Variants in TAFA1 observed in about 807,000 individuals in gnomAD.
The protein encoded by TAFA1 is TAFA chemokine like family member 1, also known as chemokine-like protein TAFA-1.
In TAFA1, 4 loss-of-function variants were observed where a neutral mutation model predicts 18.5. That is an observed-to-expected ratio of 0.22 (90% CI 0.11 to 0.49). The LOEUF (loss-of-function observed/expected upper bound fraction) is 0.49, where lower values mean the gene tolerates loss of function less well. TAFA1 is among the 20% of genes least tolerant of loss of function. The pLI, the probability that TAFA1 is intolerant of heterozygous loss-of-function variation, is 0.98. For missense variants in TAFA1, 147 were observed against 169.0 expected, an observed-to-expected ratio of 0.87 and a Z score of 0.72; for synonymous variants, 56 against 55.2, an observed-to-expected ratio of 1.01 and a Z score of -0.06.
intron 3 of TAFA1, among the ~76,000 whole-genome samples, chr3:68,438,647 C>A (rs888117410): frequency 1.6e-4 from 25 of 152,166 alleles, no homozygotes; most frequent in African/African-American, 5.8e-4. Flanking sequence ...AGAGGAAGTT[C>A]TCTGTGGTGG....
intron 4 of TAFA1, among the ~76,000 whole-genome samples, chr3:68,540,532 A>G (rs376367749): frequency 1.3e-5 from 2 of 152,178 alleles, no homozygotes; most frequent in Non-Finnish European, 2.9e-5. Context: ...GTTTTAAGCT[A>G]TTCTGAATTA....
At chr3:68,459,648 A>C (rs2071736984) in intron 3 of TAFA1, among the ~76,000 whole-genome samples, 1 of 152,236 alleles carries the variant, frequency 6.6e-6, no homozygotes, top group South Asian at 2.1e-4. Context: ...TGCAGTTGAT[A>C]GAAAGTATTA....
At chr3:68,227,328 A>T (rs1373283376) in intron 2 of TAFA1, among the ~76,000 whole-genome samples, 9 of 152,212 alleles carry the variant, frequency 5.9e-5, no homozygotes, top group Non-Finnish European at 1.2e-4. Flanking sequence ...TACATCCATT[A>T]ATTTCCTTTC....
At chr3:68,284,802 C>G (rs2067966128) in intron 2 of TAFA1, among the ~76,000 whole-genome samples, 1 of 152,116 alleles carries the variant, frequency 6.6e-6, no homozygotes, top group South Asian at 2.1e-4. Flanking sequence ...GCATATGTCT[C>G]TAGTATGCTA....
intron 2 of TAFA1, among the ~76,000 whole-genome samples, chr3:68,059,965 G>T (rs1301532636): frequency 6.6e-6 from 1 of 152,004 alleles, no homozygotes; most frequent in Non-Finnish European, 1.5e-5. Flanking sequence ...TCCTCTGGGG[G>T]CTAGAGGAGC....
intron 2 of TAFA1, among the ~76,000 whole-genome samples, chr3:68,112,849 ATT>A (rs2065277257): frequency 6.6e-6 from 1 of 152,190 alleles, no homozygotes; most frequent in Admixed American, 6.5e-5. Flanking sequence ...TAAGAATGCA[ATT>A]ATAAAAGATA....
intron 2 of TAFA1, among the ~76,000 whole-genome samples, chr3:68,261,126 A>G (rs1176623351): frequency 1.3e-5 from 2 of 152,232 alleles, no homozygotes; most frequent in Non-Finnish European, 2.9e-5. Context: ...ACACTTCTCA[A>G]AAGAAGACAT....
chr3:68,050,765 C>T (rs527511467), intron 2 of TAFA1, among the ~76,000 whole-genome samples: 15 of 152,250 alleles, frequency 9.9e-5, no homozygotes, highest in African/African-American at 3.6e-4. Flanking sequence ...AATTATATGT[C>T]ATCTTAGCCA....
intron 2 of TAFA1, among the ~76,000 whole-genome samples, chr3:68,255,341 T>C (rs1353904576): frequency 6.6e-6 from 1 of 152,170 alleles, no homozygotes; most frequent in African/African-American, 2.4e-5. Flanking sequence ...AAAAACATAA[T>C]CCATTTACAT....
chr3:68,061,859 C>T (rs1459636174), intron 2 of TAFA1, among the ~76,000 whole-genome samples: 1 of 152,124 alleles, frequency 6.6e-6, no homozygotes, highest in African/African-American at 2.4e-5. Context: ...ACCACTGGTG[C>T]AGCATGGTTT....
At chr3:68,064,772 T>C (rs993424406) in intron 2 of TAFA1, among the ~76,000 whole-genome samples, 1 of 151,932 alleles carries the variant, frequency 6.6e-6, no homozygotes, top group African/African-American at 2.4e-5. Context: ...TTTATGCCAT[T>C]GTATAATATT....
At chr3:68,010,435 G>C (rs901057729) in intron 2 of TAFA1, among the ~76,000 whole-genome samples, 2 of 152,196 alleles carry the variant, frequency 1.3e-5, no homozygotes, top group African/African-American at 4.8e-5. Context: ...GAAATGGTTA[G>C]AGACTTGGGC....
intron 2 of TAFA1, among the ~76,000 whole-genome samples, chr3:68,280,005 G>C (rs1346718784): frequency 6.6e-6 from 1 of 151,920 alleles, no homozygotes; most frequent in Non-Finnish European, 1.5e-5. Flanking sequence ...TACAAAATTC[G>C]CAAATTCTTG....
At chr3:68,143,209 G>A (rs1042492910) in intron 2 of TAFA1, among the ~76,000 whole-genome samples, 1 of 152,072 alleles carries the variant, frequency 6.6e-6, no homozygotes, top group Non-Finnish European at 1.5e-5. Context: ...TATTCCCTGT[G>A]GTAGGTCCTG....
chr3:68,393,215 A>G (rs1180262148), intron 2 of TAFA1, among the ~76,000 whole-genome samples: 1 of 152,206 alleles, frequency 6.6e-6, no homozygotes, highest in African/African-American at 2.4e-5. Context: ...TCATCAGAGA[A>G]TACTATAAAC....
chr3:68,194,376 G>T (rs1245701995), intron 2 of TAFA1, among the ~76,000 whole-genome samples: 1 of 151,612 alleles, frequency 6.6e-6, no homozygotes, highest in Non-Finnish European at 1.5e-5. Flanking sequence ...AGATTTTTCC[G>T]GTGTGCAAGA....
chr3:68,235,745 G>A (rs1012691329), intron 2 of TAFA1, among the ~76,000 whole-genome samples: 20 of 152,006 alleles, frequency 1.3e-4, no homozygotes, highest in Admixed American at 7.9e-4. Flanking sequence ...TACATATATT[G>A]GTAAAAAGAA....
intron 3 of TAFA1, among the ~76,000 whole-genome samples, chr3:68,436,150 T>G (rs189792623): frequency 8.5e-5 from 13 of 152,286 alleles, no homozygotes; most frequent in Admixed American, 7.8e-4. Context: ...GTTCTTTTAA[T>G]TTCTAATTTA....
At chr3:68,432,082 C>G (rs181259973) in intron 3 of TAFA1, among the ~76,000 whole-genome samples, 208 of 151,976 alleles carry the variant, frequency 1.4e-3, no homozygotes, top group South Asian at 5.6e-3. Flanking sequence ...CCACCAGGGC[C>G]GGATGGTGGT....
Sources: gnomAD v4.1 joint callset for allele counts (sites outside exome capture counted in the v4.1 genomes callset) on GRCh38, gnomAD v4.1.1 for gene constraint, MANE v1.5 for transcripts, NCBI Gene and HGNC (gene_info 2026-07-23, HGNC 2026-07-21) for gene names.